ANKRD18A: variants seen among roughly 807,000 people sequenced by gnomAD.
ANKRD18A encodes ankyrin repeat domain 18A.
A neutral mutation model predicts 110.6 loss-of-function variants in ANKRD18A; 72 were observed. That is an observed-to-expected ratio of 0.65 (90% CI 0.54 to 0.79). The LOEUF (loss-of-function observed/expected upper bound fraction) is 0.79. Ranked by LOEUF, ANKRD18A falls within the 30% of genes least tolerant of loss-of-function variation. The pLI, the probability that ANKRD18A is intolerant of heterozygous loss-of-function variation, is 0.00. For missense variants in ANKRD18A, 934 were observed against 1,163.3 expected (o/e 0.80, Z 2.87); for synonymous variants, 305 against 410.3 (o/e 0.74, Z 3.10).
intron 7 of ANKRD18A, among the ~76,000 whole-genome samples, chr9:38,601,615 A>G (rs1172780855): frequency 6.6e-6 from 1 of 152,184 alleles, no homozygotes; most frequent in Non-Finnish European, 1.5e-5. Flanking sequence ...TGTTACTGTT[A>G]TACCTTTACA....
At chr9:38,566,585 C>T (rs1356646240), downstream of ANKRD18A, 1 of 152,156 alleles carries the variant, frequency 6.6e-6, no homozygotes, top group Non-Finnish European at 1.5e-5. Context: ...AAGCTGCTTC[C>T]ACATTTTCAG....
rs914966523 is a variant in ANKRD18A at position 38,620,049 on chromosome 9, C to T, written c.206+31G>A. The T allele has an allele frequency of 3.2e-6, 5 of 1,547,814 alleles. No homozygotes were observed. The African/African-American group carries it at 4.1e-5, about 13-fold the overall frequency. ...TGCAGGGAAGCCGGGCCTGCGGCCC[C>T]CTCCCACCGCGGGCTGAGTCCCCGA... On this transcript the variant is annotated intron_variant, in intron 1 of 15. Transcript: ENST00000399703.
In ANKRD18A at chr9:38,616,627, A is replaced by T. The variant is rs534167450; in HGVS notation, c.207-583T>A. On this transcript the variant is annotated intron_variant, in intron 1 of 15. Coordinates refer to ENST00000399703, the MANE Select transcript of ANKRD18A (RefSeq NM_147195.4). ...ACCAGCATGATCAGCTAATTTTTAAATTTTTTTTTGTAGAGTAGGAATGTC... is the reference window on the plus strand; with the variant it reads ...ACCAGCATGATCAGCTAATTTTTAATTTTTTTTTTGTAGAGTAGGAATGTC... Among the ~76,000 whole-genome samples the T allele has an allele frequency of 3.9e-3, 590 of 151,678 alleles. 4 individuals carry two copies. Among genetic ancestry groups the T allele is most frequent in the African/African-American group, 0.013 (553 of 41,368 alleles).
At chr9:38,613,218 G>A (rs1292026762) in intron 3 of ANKRD18A, among the ~76,000 whole-genome samples, 1 of 150,556 alleles carries the variant, frequency 6.6e-6, no homozygotes, top group South Asian at 2.1e-4. Flanking sequence ...GGCAACCTCT[G>A]CGCAGCAGAC....
chr9:38,578,766 C>T (rs1475994311), intron 12 of ANKRD18A, among the ~76,000 whole-genome samples: 2 of 152,132 alleles, frequency 1.3e-5, no homozygotes, highest in Admixed American at 1.3e-4. Flanking sequence ...GGCCTGTAGA[C>T]CCAGCTAGTT....
intron 10 of ANKRD18A, among the ~76,000 whole-genome samples, chr9:38,592,585 A>G (rs1286270524): frequency 6.6e-6 from 1 of 152,226 alleles, no homozygotes; most frequent in African/African-American, 2.4e-5. Context: ...ATAGAGTCCA[A>G]TGGCAGGGAA....
Position 38,595,624 on chromosome 9 carries a change from T to A in ANKRD18A, c.1716A>T (p.Ile572=). 1 of 1,551,138 alleles carries A rather than the reference T, an allele frequency of 6.4e-7. No individual in the cohort carries two copies. The highest frequency in any genetic ancestry group is 1.2e-5 in the South Asian group (1 of 83,998). The change falls in exon 9 of 16, where the codon ATA becomes ATT. Residue 572 remains isoleucine, a synonymous_variant. Transcript: ENST00000399703. ...DARKEGDNKE[I]VINIHRDCLE... is the part of the protein sequence containing the mutation. ...GACAGTCTCTGTGGATATTAATGAC[T>A]ATCTCTTTATTATCGCCTTCCTTAC...
intron 15 of ANKRD18A, 148 bp from the exon 16 acceptor site, chr9:38,572,207 A>G: frequency 1.8e-6 from 1 of 546,756 alleles, no homozygotes; most frequent in Non-Finnish European, 3.1e-6. Context: ...TTACTATTAA[A>G]TCATTTACAC....
rs746742557 is a variant in ANKRD18A, at chr9:38,596,258, C to T, written c.1082G>A (p.Ser361Asn). The change falls in exon 9 of 16, where the codon AGC (serine) becomes AAC (asparagine). Residue 361 changes from serine (S) to asparagine (N), a missense_variant. Ser to Asn is a conservative substitution (Grantham distance 46, BLOSUM62 1). This residue lies in a region of ANKRD18A where 630 missense variants were observed against 797.5 expected (regional missense o/e 0.79). Transcript: ENST00000399703. The part of the protein sequence containing the change: ...KEKKYIQEIK[S>N]ITEINANFEK... ...AAAGTTAGCATTTATTTCTGTAATG[C>T]TTTTAATTTCCTGAATATATTTCTT... 38 of 1,538,176 alleles carry T rather than the reference C, an allele frequency of 2.5e-5. No individual in the cohort carries two copies. Among genetic ancestry groups the T allele is most frequent in the Admixed American group, 2.1e-4 (10 of 47,834 alleles).
intron 12 of ANKRD18A, among the ~76,000 whole-genome samples, chr9:38,579,616 C>T (rs538589599): frequency 7.1e-4 from 108 of 152,062 alleles, no homozygotes; most frequent in African/African-American, 2.5e-3. Flanking sequence ...ACAAATCAAA[C>T]CTACAATGTG....
chr9:38,581,647 G>A (rs1180626335), intron 12 of ANKRD18A, among the ~76,000 whole-genome samples: 3 of 152,124 alleles, frequency 2.0e-5, no homozygotes, highest in South Asian at 4.2e-4. Context: ...TGAGTGTTAA[G>A]ACATCAAATG....
At chr9:38,575,914 G>T (rs1823873990) in intron 14 of ANKRD18A, among the ~76,000 whole-genome samples, 1 of 152,182 alleles carries the variant, frequency 6.6e-6, no homozygotes, top group South Asian at 2.1e-4. Context: ...GATTTCTACT[G>T]AACAAGCAGT....
chr9:38,604,907 GC>G (rs1276460520), intron 6 of ANKRD18A: 1 of 160,510 alleles, frequency 6.2e-6, no homozygotes, highest in Admixed American at 6.6e-5. Flanking sequence ...ATTCTTCATG[GC>G]TGCTGCTTCT....
At chr9:38,597,588 A>G (rs554376820) in intron 8 of ANKRD18A, among the ~76,000 whole-genome samples, 13 of 152,320 alleles carry the variant, frequency 8.5e-5, no homozygotes, top group African/African-American at 2.9e-4. Flanking sequence ...CGTGGCACCA[A>G]AAGGGAAGAT....
At chr9:38,605,406 T>C (rs928232455) in intron 6 of ANKRD18A, among the ~76,000 whole-genome samples, 9 of 152,208 alleles carry the variant, frequency 5.9e-5, no homozygotes, top group Non-Finnish European at 1.3e-4. Context: ...TCCATCTTTG[T>C]CTCCTGCAAT....
rs553075396 is a variant in ANKRD18A at position 38,595,650 on chromosome 9, G to A, written c.1690C>T (p.Arg564Cys). 1.4e-5 allele frequency: 22 copies of A among 1,550,760 alleles called. No individual in the cohort carries two copies. Among genetic ancestry groups the A allele is most frequent in the East Asian group, 2.4e-5 (1 of 40,904 alleles). ...ATCTCTTTATTATCGCCTTCCTTAC[G>A]AGCATCCTCTAGTTGTCGTTCAAGC... is the stretch of plus-strand genomic sequence containing the variant. ...LLLERQLEDA[R>C]KEGDNKEIVI... The change falls in exon 9 of 16, where the codon CGT (arginine) becomes TGT (cysteine). Residue 564 changes from arginine (R) to cysteine (C), a missense_variant. Transcript: ENST00000399703.
chr9:38,569,722 C>T (rs1807032), downstream of ANKRD18A, among the ~76,000 whole-genome samples: 1,306 of 152,262 alleles, frequency 8.6e-3, 7 homozygotes, highest in Non-Finnish European at 0.013. Flanking sequence ...CTGCTCCACT[C>T]ACAGGTGCAC....
intron 8 of ANKRD18A, among the ~76,000 whole-genome samples, chr9:38,596,991 T>G (rs1389567525): frequency 6.6e-6 from 1 of 152,166 alleles, no homozygotes; most frequent in Non-Finnish European, 1.5e-5. Flanking sequence ...GTTATCACAA[T>G]CCTTAAAAAA....
intron 14 of ANKRD18A, among the ~76,000 whole-genome samples, chr9:38,576,072 T>C (rs1239044407): frequency 6.6e-6 from 1 of 152,226 alleles, no homozygotes; most frequent in Non-Finnish European, 1.5e-5. Flanking sequence ...GGGAAAATGA[T>C]TACGTTAATT....
Sources: allele counts gnomAD v4.1 joint callset (sites outside exome capture counted in the v4.1 genomes callset), GRCh38; gene constraint gnomAD v4.1.1; regional missense constraint gnomAD v4.1.1; transcripts MANE v1.5; gene names NCBI Gene and HGNC (gene_info 2026-07-23, HGNC 2026-07-21).